MPDZ: variants seen among roughly 807,000 people sequenced by gnomAD.
MPDZ encodes multiple PDZ domain protein.
MPDZ carries 234 observed loss-of-function variants against 239.1 expected under a neutral mutation model. The observed-to-expected ratio is 0.98, with a 90% confidence interval of 0.88 to 1.09. The LOEUF is 1.09. MPDZ is among the 50% of genes least tolerant of loss of function. The probability of loss-of-function intolerance (pLI) is 0.00; values close to 1 mark genes in which losing one functional copy is unlikely to be tolerated. For synonymous variants in MPDZ, 1,048 were observed against 881.3 expected (o/e 1.19, Z -3.35); for missense variants, 3,175 against 2,510.0 (o/e 1.26, Z -5.66).
At chr9:13,215,959 T>G (rs924639885) in intron 10 of MPDZ, among the ~76,000 whole-genome samples, 1 of 147,116 alleles carries the variant, frequency 6.8e-6, no homozygotes, top group Non-Finnish European at 1.5e-5. Flanking sequence ...TTTTTTTTTT[T>G]TTTTTTTTTT....
At chr9:13,219,468 CAT>C (rs1958790285) in intron 8 of MPDZ, 89 bp downstream of exon 8, 1 of 1,111,014 alleles carries the variant, frequency 9.0e-7, no homozygotes, top group African/African-American at 1.6e-5. Flanking sequence ...AATATAGGAA[CAT>C]TAGTAAGTCT....
In MPDZ at chr9:13,176,688, C is replaced by T. The variant is rs191987565; in HGVS notation, c.2650-271G>A. On this transcript the variant is annotated intron_variant, in intron 19 of 46. Coordinates refer to ENST00000319217, the MANE Select transcript of MPDZ (RefSeq NM_001378778.1). ...TTGTACAAGATACTGTACGTAAGAT[C>T]ATTTAGAAATACTATGTTCTATTTA... Among the ~76,000 whole-genome samples the T allele has an allele frequency of 5.3e-3, 803 of 151,428 alleles. 2 individuals are homozygous for T. Among genetic ancestry groups the T allele is most frequent in the Non-Finnish European group, 8.9e-3 (599 of 67,564 alleles).
At chr9:13,184,994 G>T (rs1031620543) in intron 18 of MPDZ, among the ~76,000 whole-genome samples, 2 of 151,994 alleles carry the variant, frequency 1.3e-5, no homozygotes, top group African/African-American at 4.8e-5. Context: ...AGGCTAGAGA[G>T]AATGCTATTT....
chr9:13,172,390 T>TTG (rs2134036829), intron 21 of MPDZ, among the ~76,000 whole-genome samples: 1 of 149,946 alleles, frequency 6.7e-6, no homozygotes, highest in East Asian at 1.9e-4. Context: ...GTTTTTTGTT[T>TTG]TTTTTTTTTG....
chr9:13,170,889 G>A (rs1399147218), intron 21 of MPDZ, among the ~76,000 whole-genome samples: 2 of 152,142 alleles, frequency 1.3e-5, no homozygotes, highest in Non-Finnish European at 2.9e-5. Flanking sequence ...ATAACTTGGA[G>A]GTAATCTCCA....
At position 13,161,726 on chromosome 9, in the gene MPDZ, C is replaced by T. The variant is rs890253358; in HGVS notation, c.3359+965G>A. ...CCACAACTGAGAGTGTAAAATGGTA[C>T]ATTCTTCATGGAAAAGCAGTTTGAC... On this transcript the variant is annotated intron_variant, in intron 23 of 46. Coordinates refer to ENST00000319217, the MANE Select transcript of MPDZ (RefSeq NM_001378778.1). 3.9e-5 allele frequency among the ~76,000 whole-genome samples: 6 copies of T among 152,232 alleles called. No individual in the cohort carries two copies. In the East Asian group the frequency reaches 9.7e-4, roughly 25 times the overall value.
chr9:13,226,847 GA>G (rs937972631), intron 3 of MPDZ, among the ~76,000 whole-genome samples: 1 of 151,680 alleles, frequency 6.6e-6, no homozygotes, highest in Non-Finnish European at 1.5e-5. Flanking sequence ...TACATTGGCA[GA>G]AAAAAAATGT....
intron 1 of MPDZ, among the ~76,000 whole-genome samples, chr9:13,278,495 T>C (rs897323636): frequency 2.0e-5 from 3 of 152,092 alleles, no homozygotes; most frequent in Non-Finnish European, 2.9e-5. Context: ...AGCCCAGCCT[T>C]TGTGCCTCTG....
At chr9:13,191,455 A>G (rs556555857) in intron 15 of MPDZ, among the ~76,000 whole-genome samples, 8 of 152,276 alleles carry the variant, frequency 5.3e-5, no homozygotes, top group Admixed American at 3.3e-4. Flanking sequence ...GATTAGCTCC[A>G]TTTCTTGACA....
At chr9:13,276,019 C>T (rs1453271463) in intron 1 of MPDZ, among the ~76,000 whole-genome samples, 1 of 152,178 alleles carries the variant, frequency 6.6e-6, no homozygotes, top group Non-Finnish European at 1.5e-5. Flanking sequence ...CAACTAATCC[C>T]TATACTTCAC....
intron 1 of MPDZ, among the ~76,000 whole-genome samples, chr9:13,277,046 T>A (rs992532221): frequency 6.6e-6 from 1 of 152,218 alleles, no homozygotes; most frequent in Non-Finnish European, 1.5e-5. Context: ...CTTCAACTTG[T>A]AGAAATATAC....
intron 25 of MPDZ, among the ~76,000 whole-genome samples, chr9:13,150,188 T>C (rs933135417): frequency 1.1e-4 from 16 of 151,188 alleles, no homozygotes; most frequent in African/African-American, 3.9e-4. Flanking sequence ...CTTGGAGCCA[T>C]TTTTTTTTAA....
intron 10 of MPDZ, among the ~76,000 whole-genome samples, chr9:13,209,624 T>A (rs964803837): frequency 6.6e-6 from 1 of 152,166 alleles, no homozygotes; most frequent in African/African-American, 2.4e-5. Flanking sequence ...GATCGGTGCA[T>A]GTATCTTCCT....
chr9:13,136,669 C>T (rs1398113682), intron 30 of MPDZ, 43 bp downstream of exon 30: 1 of 1,242,428 alleles, frequency 8.0e-7, no homozygotes, highest in Non-Finnish European at 1.2e-6. Context: ...AGAAGAAATG[C>T]TAACAAAAAG....
intron 23 of MPDZ, among the ~76,000 whole-genome samples, chr9:13,159,801 G>A (rs1025772278): frequency 5.3e-5 from 8 of 151,942 alleles, no homozygotes; most frequent in Admixed American, 1.3e-4. Flanking sequence ...GAATCCTTTC[G>A]CAAACCCCAT....
intron 39 of MPDZ, 115 bp from the exon 40 acceptor site, chr9:13,115,449 A>G (rs1447104055): frequency 6.0e-6 from 5 of 826,476 alleles, no homozygotes; most frequent in Non-Finnish European, 9.9e-6. Context: ...TCCTTTTGGA[A>G]TTTCTATAAG....
At chr9:13,152,154 T>TCACAAAC (rs1195803637) in intron 24 of MPDZ, among the ~76,000 whole-genome samples, 1 of 152,060 alleles carries the variant, frequency 6.6e-6, no homozygotes, top group East Asian at 1.9e-4. Context: ...ACACACTATG[T>TCACAAAC]CACAAACCCA....
chr9:13,110,068 C>G lies in MPDZ; in HGVS notation c.5830-4G>C, dbSNP rs181920384. ...TCACGTCTCCTCCAGCAACCACCTGCGCACAGGAGGAGGATAAACAGAAAA... is the reference window on the plus strand; with the variant it reads ...TCACGTCTCCTCCAGCAACCACCTGGGCACAGGAGGAGGATAAACAGAAAA... On this transcript the variant is annotated splice_polypyrimidine_tract_variant and splice_region_variant and intron_variant, in intron 44 of 46. Coordinates refer to ENST00000319217, the MANE Select transcript of MPDZ (RefSeq NM_001378778.1). 6.2e-7 allele frequency: 1 copy of G among 1,608,494 alleles called. No individual in the cohort carries two copies. The highest frequency in any genetic ancestry group is 1.3e-5 in the African/African-American group (1 of 74,798).
At chr9:13,140,695 T>C (rs2132489348) in intron 27 of MPDZ, 2 of 152,112 alleles carry the variant, frequency 1.3e-5, no homozygotes, top group South Asian at 4.1e-4. Flanking sequence ...GAAAAAAATG[T>C]CATTCAAAAG....
Sources: gnomAD v4.1 joint callset for allele counts (sites outside exome capture counted in the v4.1 genomes callset) on GRCh38, gnomAD v4.1.1 for gene constraint, MANE v1.5 for transcripts, NCBI Gene and HGNC (gene_info 2026-07-23, HGNC 2026-07-21) for gene names.